BET1: variants seen among roughly 807,000 people sequenced by gnomAD.
The protein encoded by BET1 is BET1 homolog.
BET1 carries 9 observed loss-of-function variants against 13.9 expected under a neutral mutation model. The ratio of observed to expected loss-of-function variants is 0.65; its 90% CI spans 0.39 to 1.13. The LOEUF is 1.13. Ranked by LOEUF, BET1 falls within the 50% of genes most tolerant of loss-of-function variation. The pLI is 0.01. For synonymous variants in BET1, 39 were observed against 47.3 expected, an observed-to-expected ratio of 0.82 and a Z score of 0.72; for missense variants, 127 against 133.6, an observed-to-expected ratio of 0.95 and a Z score of 0.24.
chr7:93,972,563 A>G (rs761689997), intron 6 of BET1: 27 of 151,906 alleles, frequency 1.8e-4, no homozygotes, highest in Non-Finnish European at 8.8e-5. Context: ...TTTCCGCCCC[A>G]TTTCTGCTTA....
chr7:93,994,251 A>G lies in BET1; in HGVS notation c.336T>C (p.Tyr112=), dbSNP rs1236185405. Residue 112 remains tyrosine (Y), a synonymous_variant, in exon 4 of 4, where the codon TAT becomes TAC. Coordinates refer to ENST00000222547, the MANE Select transcript of BET1 (RefSeq NM_005868.6). The part of the protein sequence containing the change: ...LFSLFVFFII[Y]WIIKLR ...TGCATCACCTCAGTTTAATAATCCA[A>G]TAAATGATAAAAAAGACAAATAAAG... 2.5e-6 allele frequency: 4 copies of G among 1,608,118 alleles called. No homozygotes were observed. In the East Asian group the frequency reaches 8.9e-5, roughly 36 times the overall value.
At chr7:93,966,273 G>A (rs918726015) in intron 6 of BET1, among the ~76,000 whole-genome samples, 2 of 151,910 alleles carry the variant, frequency 1.3e-5, no homozygotes, top group Non-Finnish European at 1.5e-5. Flanking sequence ...AGAAGTGCTT[G>A]CTTTGAGTTT....
In BET1 at chr7:93,994,105, T is replaced by C. The variant is rs536844260; in HGVS notation, c.*125A>G. 6.9e-6 allele frequency: 10 copies of C among 1,445,826 alleles called. No homozygotes were observed. In the South Asian group the frequency reaches 1.5e-4, roughly 22 times the overall value. The allele number at this position is 1,445,826 out of a possible 1,614,324, so 89.6% of individuals were successfully genotyped here. ...ATGTGATTTATAAAATAAGCAAAAT[T>C]CAGCAATTTTCAATGGAAAATGCCA... On this transcript the variant is annotated 3_prime_UTR_variant, in exon 4 of 4. Coordinates refer to ENST00000222547, the MANE Select transcript of BET1 (RefSeq NM_005868.6).
chr7:93,977,136 C>T (rs1053791792), intron 4 of BET1, among the ~76,000 whole-genome samples: 8 of 152,052 alleles, frequency 5.3e-5, no homozygotes, highest in South Asian at 2.1e-4. Flanking sequence ...GATGAAGTTT[C>T]GTCTACTGTG....
chr7:93,976,481 A>G (rs2116051167), intron 4 of BET1, among the ~76,000 whole-genome samples: 1 of 152,158 alleles, frequency 6.6e-6, no homozygotes, highest in Non-Finnish European at 1.5e-5. Flanking sequence ...AATGTTTGGT[A>G]TTGTCATTTT....
downstream of BET1, among the ~76,000 whole-genome samples, chr7:93,990,971 G>A (rs1412626904): frequency 6.6e-6 from 1 of 152,026 alleles, no homozygotes; most frequent in African/African-American, 2.4e-5. Context: ...TCCAAGGCTT[G>A]TGAAAAATTC....
At chr7:94,002,474 AGAAAG>A (rs1795930902) in intron 1 of BET1, among the ~76,000 whole-genome samples, 1 of 135,342 alleles carries the variant, frequency 7.4e-6, no homozygotes, top group Admixed American at 7.0e-5. Flanking sequence ...AAAAAAAAAA[AGAAAG>A]AAAAAAAAAG....
chr7:93,990,383 TATAA>T (rs1458044083), downstream of BET1, among the ~76,000 whole-genome samples: 4 of 152,138 alleles, frequency 2.6e-5, no homozygotes, highest in Admixed American at 2.0e-4. Context: ...AAGCAATAAT[TATAA>T]ATATTCTTTT....
intron 6 of BET1, among the ~76,000 whole-genome samples, chr7:93,967,399 T>C (rs1007519843): frequency 3.3e-5 from 5 of 151,870 alleles, no homozygotes; most frequent in African/African-American, 1.2e-4. Flanking sequence ...TACCTCACTA[T>C]TGAGAAATCC....
chr7:93,989,667 C>T (rs57401807), downstream of BET1, among the ~76,000 whole-genome samples: 43,159 of 152,078 alleles, frequency 0.28, 7,172 homozygotes, highest in East Asian at 0.46. Context: ...AAATACATCA[C>T]GTTCTTGGTG....
At chr7:93,983,210 G>C (rs1038887460) in intron 4 of BET1, among the ~76,000 whole-genome samples, 10 of 152,122 alleles carry the variant, frequency 6.6e-5, no homozygotes. Flanking sequence ...GATAGAAAAA[G>C]GTATTTGGTG....
At chr7:93,983,568 ACT>A (rs775625462) in intron 4 of BET1, among the ~76,000 whole-genome samples, 19 of 152,198 alleles carry the variant, frequency 1.2e-4, no homozygotes, top group East Asian at 7.8e-4. Context: ...ATGAGCCATG[ACT>A]CTGTACAAAA....
Position 94,004,226 on chromosome 7 carries a change from G to A in BET1, c.-10C>T, listed in dbSNP as rs1306984160. 3.1e-6 allele frequency: 5 copies of A among 1,614,062 alleles called. No individual in the cohort carries two copies. Among genetic ancestry groups the A allele is most frequent in the Non-Finnish European group, 3.4e-6 (4 of 1,179,992 alleles). ...GGCCTGCACGCCTCATCCTGCCAGA[G>A]GAGAGAGAGAAAAGGCGGGTGCGGG... On this transcript the variant is annotated 5_prime_UTR_variant, in exon 1 of 4. Transcript: ENST00000222547.
chr7:93,992,949 T>G, downstream of BET1: 1 of 985,272 alleles, frequency 1.0e-6, no homozygotes, highest in East Asian at 1.1e-4. Context: ...TTTTAACCTG[T>G]CAGGTAGAGG....
chr7:93,999,737 C>T (rs1256627599), intron 1 of BET1: 2 of 455,652 alleles, frequency 4.4e-6, no homozygotes, highest in African/African-American at 4.0e-5. Context: ...GGCGAGGGTT[C>T]TTTACTGGCA....
chr7:93,992,775 T>C (rs939577230), downstream of BET1: 1 of 906,360 alleles, frequency 1.1e-6, no homozygotes, highest in South Asian at 5.1e-5. Flanking sequence ...TTCTCACAAC[T>C]ATCCTATGAA....
exon 7 of BET1, chr7:93,963,389 A>T (rs562558182): frequency 1.3e-5 from 2 of 152,194 alleles, no homozygotes; most frequent in Admixed American, 6.6e-5. Context: ...TAAAATTTAA[A>T]GAGCAAGTCA....
chr7:93,965,131 G>T (rs905452443), exon 7 of BET1: 1 of 152,036 alleles, frequency 6.6e-6, no homozygotes, highest in African/African-American at 2.4e-5. Flanking sequence ...GTGAATTATG[G>T]TCATTTTTGC....
downstream of BET1, chr7:93,991,950 T>C (rs1245708768): frequency 4.1e-6 from 4 of 984,318 alleles, no homozygotes; most frequent in African/African-American, 1.7e-5. Context: ...AAAACTATTT[T>C]ATAGAACCAG....
Sources: gnomAD v4.1 joint callset for allele counts (sites outside exome capture counted in the v4.1 genomes callset) on GRCh38, gnomAD v4.1.1 for gene constraint, MANE v1.5 for transcripts, NCBI Gene and HGNC (gene_info 2026-07-23, HGNC 2026-07-21) for gene names.